GRM3: variants seen among roughly 807,000 people sequenced by gnomAD.
GRM3 encodes metabotropic glutamate receptor 3.
A neutral mutation model predicts 70.5 loss-of-function variants in GRM3; 26 were observed. The ratio of observed to expected loss-of-function variants is 0.37; its 90% CI spans 0.27 to 0.51. The LOEUF (loss-of-function observed/expected upper bound fraction) is 0.51, where lower values mean the gene tolerates loss of function less well. GRM3 is among the 20% of genes least tolerant of loss of function. GRM3 has a pLI of 0.93. For synonymous variants in GRM3, 443 were observed against 434.9 expected (o/e 1.02, Z -0.23); for missense variants, 859 against 1,123.8 (o/e 0.76, Z 3.37).
At chr7:86,708,521 G>A (rs943591961) in intron 1 of GRM3, among the ~76,000 whole-genome samples, 2 of 152,146 alleles carry the variant, frequency 1.3e-5, no homozygotes, top group African/African-American at 2.4e-5. Flanking sequence ...GAAGCTCAGC[G>A]TTGACAACAA....
At chr7:86,780,796 G>A (rs1271085135) in intron 2 of GRM3, among the ~76,000 whole-genome samples, 1 of 152,176 alleles carries the variant, frequency 6.6e-6, no homozygotes, top group Non-Finnish European at 1.5e-5. Flanking sequence ...AATGTTTATG[G>A]AGTCACCACA....
intron 1 of GRM3, among the ~76,000 whole-genome samples, chr7:86,656,257 G>GCTCT (rs1793740456): frequency 1.1e-5 from 1 of 91,422 alleles, no homozygotes; most frequent in African/African-American, 4.4e-5. Flanking sequence ...ACTATACTAT[G>GCTCT]TTCTTTTTTT....
chr7:86,740,480 G>A (rs996164494), intron 1 of GRM3, among the ~76,000 whole-genome samples: 2 of 152,104 alleles, frequency 1.3e-5, no homozygotes, highest in African/African-American at 2.4e-5. Context: ...ATTTCAAAGA[G>A]CAAGTCTGGC....
intron 3 of GRM3, among the ~76,000 whole-genome samples, chr7:86,814,551 A>G (rs1797978437): frequency 6.6e-6 from 1 of 151,816 alleles, no homozygotes; most frequent in South Asian, 2.1e-4. Flanking sequence ...CACTCTCTTG[A>G]AGATATAAAG....
At chr7:86,803,315 C>T (rs1466818720) in intron 3 of GRM3, among the ~76,000 whole-genome samples, 1 of 152,182 alleles carries the variant, frequency 6.6e-6, no homozygotes, top group Non-Finnish European at 1.5e-5. Context: ...ACCCTTAAAA[C>T]TTACCCTGTT....
At position 86,791,547 on chromosome 7, in the gene GRM3, C is replaced by CTAA. The variant is rs1203290205; in HGVS notation, c.1324+4431_1324+4432insTAA. Among the ~76,000 whole-genome samples, 184 of 152,232 alleles carry CTAA rather than the reference C, an allele frequency of 1.2e-3. No individual in the cohort carries two copies. In the Middle Eastern group the frequency reaches 0.014, roughly 11 times the overall value. On this transcript the variant is annotated intron_variant, in intron 3 of 5. Coordinates refer to ENST00000361669, the MANE Select transcript of GRM3 (RefSeq NM_000840.3). ...TCAGTCAGCTGGTTAGTAACAGGGG[C>CTAA]CAGGACTGTTAGCTCGTTAGTAACA...
At chr7:86,810,150 C>A (rs1019161149) in intron 3 of GRM3, among the ~76,000 whole-genome samples, 2 of 152,006 alleles carry the variant, frequency 1.3e-5, no homozygotes, top group African/African-American at 4.8e-5. Context: ...GACCTTAAAT[C>A]GTCTTTATTC....
At chr7:86,768,362 T>C (rs924600144) in intron 2 of GRM3, among the ~76,000 whole-genome samples, 3 of 152,174 alleles carry the variant, frequency 2.0e-5, no homozygotes, top group Non-Finnish European at 4.4e-5. Context: ...TCCCACATGG[T>C]TAATCAGCAA....
chr7:86,759,543 A>G (rs1192726187), intron 1 of GRM3, among the ~76,000 whole-genome samples: 1 of 152,176 alleles, frequency 6.6e-6, no homozygotes, highest in East Asian at 1.9e-4. Flanking sequence ...GGCACTGTGG[A>G]ACATACAACA....
intron 1 of GRM3, among the ~76,000 whole-genome samples, chr7:86,693,710 A>C (rs1794746481): frequency 6.6e-6 from 1 of 152,046 alleles, no homozygotes; most frequent in African/African-American, 2.4e-5. Flanking sequence ...CTCGAAAAGA[A>C]AGAGTCCAAA....
chr7:86,675,888 T>A (rs1234834563), intron 1 of GRM3, among the ~76,000 whole-genome samples: 2 of 152,052 alleles, frequency 1.3e-5, no homozygotes, highest in East Asian at 1.9e-4. Context: ...GTAGACTTTT[T>A]AAAATATTTA....
At chr7:86,683,771 G>T (rs1265088244) in intron 1 of GRM3, among the ~76,000 whole-genome samples, 4 of 152,116 alleles carry the variant, frequency 2.6e-5, no homozygotes, top group Non-Finnish European at 5.9e-5. Context: ...ATATGAACTG[G>T]AAAGTGCCAG....
intron 3 of GRM3, among the ~76,000 whole-genome samples, chr7:86,837,408 G>C (rs1211315577): frequency 6.6e-6 from 1 of 152,174 alleles, no homozygotes; most frequent in Non-Finnish European, 1.5e-5. Flanking sequence ...AGCTCGCAGG[G>C]GAGGCAACAA....
chr7:86,712,458 C>T (rs187371937), intron 1 of GRM3, among the ~76,000 whole-genome samples: 1,791 of 151,982 alleles, frequency 0.012, 28 homozygotes, highest in African/African-American at 0.041. Context: ...CTGTCATATA[C>T]ATCACCTTGA....
chr7:86,750,484 T>A (rs1439724045), intron 1 of GRM3, among the ~76,000 whole-genome samples: 1 of 151,922 alleles, frequency 6.6e-6, no homozygotes, highest in African/African-American at 2.4e-5. Context: ...GTGTTAGGAA[T>A]GAAAAGAAAA....
At chr7:86,804,899 G>A (rs1797755984) in intron 3 of GRM3, among the ~76,000 whole-genome samples, 1 of 152,186 alleles carries the variant, frequency 6.6e-6, no homozygotes, top group African/African-American at 2.4e-5. Flanking sequence ...GATTGCTTAA[G>A]CCCAGAGTTC....
At chr7:86,767,271 G>C (rs576939807) in intron 2 of GRM3, among the ~76,000 whole-genome samples, 1 of 151,410 alleles carries the variant, frequency 6.6e-6, no homozygotes, top group African/African-American at 2.4e-5. Flanking sequence ...TAAAATTCTA[G>C]GTATAATTCT....
At chr7:86,711,031 C>T (rs1218164881) in intron 1 of GRM3, among the ~76,000 whole-genome samples, 2 of 152,032 alleles carry the variant, frequency 1.3e-5, no homozygotes, top group African/African-American at 2.4e-5. Flanking sequence ...GTAATCCTGG[C>T]TCTACCATGT....
chr7:86,809,359 T>C (rs1797864693), intron 3 of GRM3, among the ~76,000 whole-genome samples: 1 of 152,116 alleles, frequency 6.6e-6, no homozygotes, highest in African/African-American at 2.4e-5. Context: ...CATACAATTG[T>C]GGATCATGTT....
Sources: gnomAD v4.1 joint callset for allele counts (sites outside exome capture counted in the v4.1 genomes callset) on GRCh38, gnomAD v4.1.1 for gene constraint, MANE v1.5 for transcripts, NCBI Gene and HGNC (gene_info 2026-07-23, HGNC 2026-07-21) for gene names.